Variants in METTL5 observed in about 807,000 individuals in gnomAD.
The protein encoded by METTL5 is rRNA N(6)-adenosine-methyltransferase METTL5.
METTL5 carries 28 observed loss-of-function variants against 26.5 expected under a neutral mutation model. The ratio of observed to expected loss-of-function variants is 1.06; its 90% CI spans 0.78 to 1.45. METTL5 has a LOEUF of 1.45. Among genes scored for constraint, METTL5 ranks in the 40% most tolerant of loss-of-function variants. METTL5 has a pLI of 0.00. For missense variants in METTL5, 231 were observed against 249.9 expected (o/e 0.92, Z 0.51); for synonymous variants, 86 against 82.6 (o/e 1.04, Z -0.22).
intron 4 of METTL5, among the ~76,000 whole-genome samples, chr2:169,817,933 C>G (rs1472091933): frequency 6.6e-6 from 1 of 152,122 alleles, no homozygotes; most frequent in Non-Finnish European, 1.5e-5. Context: ...TCATGTTATG[C>G]CAAGCTGTGC....
At chr2:169,820,430 C>T (rs1403011236) in intron 3 of METTL5, among the ~76,000 whole-genome samples, 1 of 152,116 alleles carries the variant, frequency 6.6e-6, no homozygotes, top group Non-Finnish European at 1.5e-5. Flanking sequence ...TTCTATGTTT[C>T]GTATTCATTC....
intron 4 of METTL5, among the ~76,000 whole-genome samples, 173 bp from the exon 5 acceptor site, chr2:169,815,701 A>T (rs1296523143): frequency 6.6e-6 from 1 of 152,254 alleles, no homozygotes; most frequent in Non-Finnish European, 1.5e-5. Flanking sequence ...AATCAATTTC[A>T]ATACATTTAA....
chr2:169,821,904 G>C (rs1018999036), intron 2 of METTL5, 39 bp downstream of exon 2: 2 of 1,583,426 alleles, frequency 1.3e-6, no homozygotes, highest in Admixed American at 3.4e-5. Flanking sequence ...CCTTATTAAA[G>C]CCACCCAATA....
chr2:169,819,663 A>T lies in METTL5; in HGVS notation c.407-20T>A, dbSNP rs1423446571. Reference sequence around the variant, plus strand: ...CTGTCCCTGTGAAGAGTAGAAAAAAAGCTCCTATTTACCTCTTCTCAAAAC... The same window carrying T: ...CTGTCCCTGTGAAGAGTAGAAAAAATGCTCCTATTTACCTCTTCTCAAAAC... On this transcript the variant is annotated intron_variant, in intron 3 of 6. Coordinates refer to ENST00000260953, the MANE Select transcript of METTL5 (RefSeq NM_014168.4). 1.9e-6 allele frequency: 3 copies of T among 1,564,498 alleles called. No homozygotes were observed. Among genetic ancestry groups the T allele is most frequent in the Middle Eastern group, 3.5e-4 (2 of 5,722 alleles).
At chr2:169,814,638 G>A (rs1412993524) in intron 5 of METTL5, among the ~76,000 whole-genome samples, 1 of 147,898 alleles carries the variant, frequency 6.8e-6, no homozygotes, top group Non-Finnish European at 1.5e-5. Flanking sequence ...GCAGTGGCGC[G>A]ATCTCAGCTC....
chr2:169,819,866 T>C (rs1573971464), intron 3 of METTL5, among the ~76,000 whole-genome samples: 1 of 152,238 alleles, frequency 6.6e-6, no homozygotes, highest in African/African-American at 2.4e-5. Context: ...AATTTTAATA[T>C]TATATTCCAA....
At position 169,815,486 on chromosome 2, in the gene METTL5, T is replaced by TA; in HGVS notation, c.531dup (p.Ile178TyrfsTer8). The TA allele has an allele frequency of 6.2e-7, 1 of 1,603,504 alleles. No individual in the cohort carries two copies. ...TTGAGATTTGTCTTACCTGCTATAA[T>TA]ATCTATCTTGATTTTCCATTCTGCA... On this transcript the variant is annotated frameshift_variant, in exon 5 of 7. Coordinates refer to ENST00000260953, the MANE Select transcript of METTL5 (RefSeq NM_014168.4). LOFTEE classifies it high-confidence loss of function.
chr2:169,815,768 C>T (rs939220781), intron 4 of METTL5, among the ~76,000 whole-genome samples: 10 of 152,168 alleles, frequency 6.6e-5, no homozygotes, highest in African/African-American at 1.9e-4. Context: ...TCATGCACCA[C>T]ATAATGCCAT....
intron 5 of METTL5, chr2:169,812,772 A>G (rs1404422627): frequency 6.5e-6 from 2 of 306,670 alleles, no homozygotes; most frequent in African/African-American, 2.2e-5. Context: ...ACGAAAAAGT[A>G]AATCCTATGA....
Position 169,824,757 on chromosome 2 carries a change from G to C in METTL5, c.-160C>G. 1.7e-6 allele frequency: 1 copy of C among 596,000 alleles called. No individual in the cohort carries two copies. The allele number at this position is 596,000 out of a possible 1,614,324, so 36.9% of individuals were successfully genotyped here. On this transcript the variant is annotated 5_prime_UTR_variant, in exon 1 of 7. Coordinates refer to ENST00000260953, the MANE Select transcript of METTL5 (RefSeq NM_014168.4). ...GCCCTAAGGAGACGCCCGGACGCAG[G>C]GCACGGGGCGAGCCTCTGACCCACC...
chr2:169,818,569 C>A (rs2081541321), intron 4 of METTL5, among the ~76,000 whole-genome samples: 7 of 152,094 alleles, frequency 4.6e-5, no homozygotes, highest in Admixed American at 4.6e-4. Flanking sequence ...CTACATGTAC[C>A]ACTACTTATT....
chr2:169,811,938 T>C (rs1689973548), intron 6 of METTL5, 80 bp from the exon 7 acceptor site: 1 of 1,471,130 alleles, frequency 6.8e-7, no homozygotes, highest in East Asian at 2.3e-5. Flanking sequence ...TGTATTGTTC[T>C]GTTTGTGTTA....
At chr2:169,812,343 C>T (rs543465518) in intron 6 of METTL5, 114 bp downstream of exon 6, 31 of 1,585,874 alleles carry the variant, frequency 2.0e-5, no homozygotes, top group Middle Eastern at 1.7e-4. Flanking sequence ...TGAGTTCAAG[C>T]GATTCTCTTG....
chr2:169,819,768 G>T (rs187335273), intron 3 of METTL5, 125 bp from the exon 4 acceptor site: 4 of 579,044 alleles, frequency 6.9e-6, no homozygotes, highest in African/African-American at 1.9e-5. Context: ...TAGCAATAAG[G>T]GTACAAATAA....
chr2:169,816,460 T>A (rs2081507166), intron 4 of METTL5, among the ~76,000 whole-genome samples: 1 of 152,142 alleles, frequency 6.6e-6, no homozygotes, highest in African/African-American at 2.4e-5. Flanking sequence ...TTAAATTTCA[T>A]ATGGAACCAA....
Position 169,812,445 on chromosome 2 carries a change from CAA to C in METTL5, c.591+10_591+11del. On this transcript the variant is annotated intron_variant, in intron 6 of 6. Coordinates refer to ENST00000260953, the MANE Select transcript of METTL5 (RefSeq NM_014168.4). ...ATACCGAATGTAGACCAGCCAAAAT[CAA>C]GAGACTTACTGATTTCTTTTTGTGA... The C allele has an allele frequency of 6.2e-7, 1 of 1,613,992 alleles. No homozygotes were observed. Among genetic ancestry groups the C allele is most frequent in the Non-Finnish European group, 8.5e-7 (1 of 1,179,948 alleles).
At chr2:169,813,372 G>C (rs1690043704) in intron 5 of METTL5, among the ~76,000 whole-genome samples, 1 of 151,256 alleles carries the variant, frequency 6.6e-6, no homozygotes, top group South Asian at 2.1e-4. Context: ...CTCAAGATCT[G>C]CCCACCTCAG....
intron 6 of METTL5, 183 bp from the exon 7 acceptor site, chr2:169,812,041 T>C: frequency 5.7e-6 from 4 of 699,164 alleles, no homozygotes; most frequent in Non-Finnish European, 9.4e-6. Flanking sequence ...TAATAAAATA[T>C]ATACTATATG....
rs2105722896 is a variant in METTL5, at chr2:169,822,001, C to T, written c.166G>A (p.Ala56Thr). Reference protein sequence around the residue: ...TYDDIENKVVADLGCGCGVLS... With the variant: ...TYDDIENKVVTDLGCGCGVLS... ...ACTCCACAACCACATCCTAGATCTG[C>T]AACGACTTTATTTTCAATGTCATCA... is the stretch of plus-strand genomic sequence containing the variant. Residue 56 changes from alanine to threonine, a missense_variant, in exon 2 of 7, where the codon GCA (alanine) becomes ACA (threonine). Physicochemically the swap from Ala to Thr is moderately conservative, Grantham distance 58. Coordinates refer to ENST00000260953, the MANE Select transcript of METTL5 (RefSeq NM_014168.4). 2.5e-6 allele frequency: 4 copies of T among 1,613,142 alleles called. No individual in the cohort carries two copies. The East Asian group carries it at 6.7e-5, about 27-fold the overall frequency.
Sources: allele counts gnomAD v4.1 joint callset (sites outside exome capture counted in the v4.1 genomes callset), GRCh38; gene constraint gnomAD v4.1.1; transcripts MANE v1.5; gene names NCBI Gene and HGNC (gene_info 2026-07-23, HGNC 2026-07-21).